DOCK3: variants seen among roughly 807,000 people sequenced by gnomAD.
DOCK3 encodes dedicator of cytokinesis 3, also known as dedicator of cytokinesis protein 3.
DOCK3 carries 60 observed loss-of-function variants against 265.6 expected under a neutral mutation model. The ratio of observed to expected loss-of-function variants is 0.23; its 90% CI spans 0.18 to 0.28. The LOEUF (loss-of-function observed/expected upper bound fraction) is 0.28, where lower values mean the gene tolerates loss of function less well. DOCK3 is among the 10% of genes least tolerant of loss of function. The pLI, the probability that DOCK3 is intolerant of heterozygous loss-of-function variation, is 1.00. For synonymous variants in DOCK3, 881 were observed against 938.0 expected (o/e 0.94, Z 1.11); for missense variants, 1,981 against 2,594.3 (o/e 0.76, Z 5.14).
intron 3 of DOCK3, among the ~76,000 whole-genome samples, chr3:50,848,118 C>A (rs1486552189): frequency 6.6e-6 from 1 of 151,712 alleles, no homozygotes; most frequent in African/African-American, 2.4e-5. Flanking sequence ...AATAGTAACC[C>A]CTGATCTTTT....
intron 4 of DOCK3, among the ~76,000 whole-genome samples, chr3:50,919,331 T>A (rs2050304337): frequency 1.3e-5 from 2 of 152,220 alleles, no homozygotes; most frequent in African/African-American, 2.4e-5. Flanking sequence ...ATTGAATCTA[T>A]AAATAACCTT....
intron 2 of DOCK3, among the ~76,000 whole-genome samples, chr3:50,797,194 G>C (rs1047294041): frequency 1.3e-5 from 2 of 152,176 alleles, no homozygotes; most frequent in Middle Eastern, 3.2e-3. Flanking sequence ...CGGTATGGCT[G>C]GGGGGAGGTT....
intron 35 of DOCK3, among the ~76,000 whole-genome samples, chr3:51,337,888 G>A (rs1321290881): frequency 6.6e-6 from 1 of 152,180 alleles, no homozygotes; most frequent in Non-Finnish European, 1.5e-5. Flanking sequence ...GAAACCATAG[G>A]GAGAAATGTC....
At chr3:50,949,125 A>G (rs932496621) in intron 5 of DOCK3, among the ~76,000 whole-genome samples, 8 of 152,204 alleles carry the variant, frequency 5.3e-5, no homozygotes, top group Non-Finnish European at 1.0e-4. Context: ...TAGATTTCGT[A>G]GGACATCAGA....
intron 2 of DOCK3, chr3:50,786,886 C>A (rs1559637230): frequency 1.4e-6 from 1 of 738,152 alleles, no homozygotes; most frequent in East Asian, 2.6e-5. Flanking sequence ...CTCCAGAATG[C>A]TGCAGGGAGT....
chr3:51,337,263 T>C (rs1046255512), intron 35 of DOCK3, among the ~76,000 whole-genome samples: 1 of 152,206 alleles, frequency 6.6e-6, no homozygotes, highest in Non-Finnish European at 1.5e-5. Context: ...CATCCTTTTC[T>C]TTCAAAGAAG....
chr3:50,832,575 T>G (rs1176383202), intron 2 of DOCK3, among the ~76,000 whole-genome samples: 1 of 152,346 alleles, frequency 6.6e-6, no homozygotes, highest in African/African-American at 2.4e-5. Flanking sequence ...TGCTGACTTC[T>G]TGTCTCATCC....
At chr3:51,225,080 G>A (rs568490929) in intron 14 of DOCK3, among the ~76,000 whole-genome samples, 2 of 152,218 alleles carry the variant, frequency 1.3e-5, no homozygotes, top group South Asian at 2.1e-4. Flanking sequence ...AAGAAAAAGC[G>A]ACAGGTAGTC....
At chr3:50,810,571 A>C (rs2043690799) in intron 2 of DOCK3, among the ~76,000 whole-genome samples, 1 of 152,188 alleles carries the variant, frequency 6.6e-6, no homozygotes, top group African/African-American at 2.4e-5. Context: ...ATTTAGCCGT[A>C]CACTAATGAT....
intron 12 of DOCK3, among the ~76,000 whole-genome samples, chr3:51,161,183 G>A (rs1025565772): frequency 1.3e-5 from 2 of 151,930 alleles, no homozygotes; most frequent in Admixed American, 6.6e-5. Context: ...GGTGGCTCAC[G>A]CCTGTAATCC....
intron 5 of DOCK3, among the ~76,000 whole-genome samples, chr3:50,996,656 G>A (rs1160545802): frequency 6.6e-6 from 1 of 151,820 alleles, no homozygotes; most frequent in East Asian, 1.9e-4. Flanking sequence ...ATTCTTGGGG[G>A]GAAAACTGTG....
In DOCK3 at chr3:51,242,064, C is replaced by T. The variant is rs189509746; in HGVS notation, c.2102+4474C>T. On this transcript the variant is annotated intron_variant, in intron 21 of 52. Transcript: ENST00000266037. ...TGTGGGCTTGTCACTCTTCAGTCTT[C>T]GAGGTTGCTGTCCTTTGGATGGTTT... Among the ~76,000 whole-genome samples, 378 of 151,032 alleles carry T rather than the reference C, an allele frequency of 2.5e-3. 1 individual carries two copies. The highest frequency in any genetic ancestry group is 3.7e-3 in the Non-Finnish European group (250 of 67,842).
chr3:50,777,427 G>T (rs550781839), intron 1 of DOCK3, among the ~76,000 whole-genome samples: 2 of 152,158 alleles, frequency 1.3e-5, no homozygotes, highest in Admixed American at 1.3e-4. Context: ...TTTTAGGATT[G>T]TTTTTTCTAG....
chr3:51,255,071 A>G (rs948074966), intron 22 of DOCK3, among the ~76,000 whole-genome samples: 6 of 152,198 alleles, frequency 3.9e-5, no homozygotes, highest in African/African-American at 1.4e-4. Flanking sequence ...GGTGGTGACA[A>G]AATCTCTCAG....
At chr3:51,135,329 T>G (rs2107049616) in intron 9 of DOCK3, among the ~76,000 whole-genome samples, 1 of 152,356 alleles carries the variant, frequency 6.6e-6, no homozygotes, top group African/African-American at 2.4e-5. Context: ...CTGCTACTGT[T>G]GTCTCTCTGG....
chr3:51,139,245 C>G (rs2084935982), intron 9 of DOCK3, among the ~76,000 whole-genome samples: 1 of 145,212 alleles, frequency 6.9e-6, no homozygotes, highest in African/African-American at 2.8e-5. Flanking sequence ...TGGCTCCACT[C>G]AACTGCAGTG....
chr3:51,361,768 C>T lies in DOCK3; in HGVS notation c.5007-91C>T. On this transcript the variant is annotated intron_variant, in intron 47 of 52. Transcript: ENST00000266037. This position sits in a 1 kb window ranked among gnomAD's most constrained non-coding sequence, Gnocchi z 4.2. Reference sequence around the variant, plus strand: ...CCTCCAAACCGGTGGTAGCTGAAACCAGGGATGACTATTCCACACATTCCG... The same window carrying T: ...CCTCCAAACCGGTGGTAGCTGAAACTAGGGATGACTATTCCACACATTCCG... The T allele has an allele frequency of 6.7e-7, 1 of 1,494,910 alleles. No homozygotes were observed. The highest frequency in any genetic ancestry group is 9.0e-7 in the Non-Finnish European group (1 of 1,113,200). The allele number at this position is 1,494,910 out of a possible 1,614,324, so 92.6% of individuals were successfully genotyped here. A position where few individuals can be genotyped will look rare whatever the true frequency, so the allele number is the denominator to read the frequency against.
chr3:50,930,852 G>C (rs1159877072), intron 4 of DOCK3, among the ~76,000 whole-genome samples: 4 of 152,176 alleles, frequency 2.6e-5, no homozygotes, highest in African/African-American at 9.7e-5. Flanking sequence ...CCGTACCTCT[G>C]GCTGATCCCC....
chr3:51,378,561 G>A (rs1473944178), intron 51 of DOCK3, among the ~76,000 whole-genome samples: 1 of 152,258 alleles, frequency 6.6e-6, no homozygotes, highest in African/African-American at 2.4e-5. Flanking sequence ...CCTGGATTGT[G>A]AGCCGCTTCT....
Sources: gnomAD v4.1 joint callset for allele counts (sites outside exome capture counted in the v4.1 genomes callset) on GRCh38, gnomAD v4.1.1 for gene constraint, Gnocchi (gnomAD v3.1) non-coding constraint, MANE v1.5 for transcripts, NCBI Gene and HGNC (gene_info 2026-07-23, HGNC 2026-07-21) for gene names.